The following ZFYVE9 variants were observed in gnomAD, a reference collection of about 807,000 sequenced individuals.
The protein encoded by ZFYVE9 is zinc finger FYVE domain-containing protein 9.
In ZFYVE9, 43 loss-of-function variants were observed where a neutral mutation model predicts 126.7. The observed-to-expected ratio is 0.34, with a 90% CI of 0.27 to 0.44. The LOEUF (loss-of-function observed/expected upper bound fraction) is 0.44, where lower values mean the gene tolerates loss of function less well. Among genes scored for constraint, ZFYVE9 ranks in the 20% least tolerant of loss-of-function variants. ZFYVE9 has a pLI of 1.00. For synonymous variants in ZFYVE9, 521 were observed against 597.4 expected (o/e 0.87, Z 1.87); for missense variants, 1,476 against 1,697.0 (o/e 0.87, Z 2.29).
chr1:52,154,131 C>T (rs1387858540), intron 1 of ZFYVE9, among the ~76,000 whole-genome samples: 1 of 152,184 alleles, frequency 6.6e-6, no homozygotes, highest in African/African-American at 2.4e-5. Flanking sequence ...GATTCCATGT[C>T]TGTTGATTAA....
At chr1:52,164,554 A>C (rs1644494851) in intron 1 of ZFYVE9, among the ~76,000 whole-genome samples, 1 of 152,018 alleles carries the variant, frequency 6.6e-6, no homozygotes, top group Non-Finnish European at 1.5e-5. Context: ...CTATCTATCT[A>C]TCTGTTTGCA....
chr1:52,247,688 G>A (rs1489096310), intron 4 of ZFYVE9, among the ~76,000 whole-genome samples: 2 of 152,012 alleles, frequency 1.3e-5, no homozygotes, highest in Non-Finnish European at 2.9e-5. Flanking sequence ...GTAGAGACGG[G>A]GTTTCGCCAT....
intron 8 of ZFYVE9, among the ~76,000 whole-genome samples, chr1:52,275,528 T>G (rs1423953943): frequency 1.3e-5 from 2 of 152,200 alleles, no homozygotes; most frequent in East Asian, 3.8e-4. Context: ...TGTCCCCTTT[T>G]CTCCACAGCC....
intron 5 of ZFYVE9, among the ~76,000 whole-genome samples, chr1:52,266,377 A>C (rs1389441083): frequency 1.4e-5 from 2 of 142,004 alleles, no homozygotes; most frequent in Non-Finnish European, 3.0e-5. Flanking sequence ...GATTAGAAGC[A>C]TGAGCCACCA....
chr1:52,324,512 T>C (rs1012019236), intron 13 of ZFYVE9, among the ~76,000 whole-genome samples: 3 of 152,252 alleles, frequency 2.0e-5, no homozygotes, highest in African/African-American at 7.2e-5. Flanking sequence ...TCCTCACTTA[T>C]GCTGTTTCCT....
intron 13 of ZFYVE9, among the ~76,000 whole-genome samples, chr1:52,306,437 T>C (rs1646085847): frequency 6.6e-6 from 1 of 152,150 alleles, no homozygotes; most frequent in South Asian, 2.1e-4. Context: ...CCCCAGGCCC[T>C]CCTCTATTAC....
intron 1 of ZFYVE9, among the ~76,000 whole-genome samples, chr1:52,178,814 A>C (rs80352223): frequency 1.6e-3 from 249 of 151,756 alleles, no homozygotes; most frequent in Non-Finnish European, 3.1e-3. Context: ...AGAGATAATT[A>C]CTTATTTATG....
chr1:52,239,779 T>C (rs1318565130), intron 4 of ZFYVE9, among the ~76,000 whole-genome samples, 184 bp downstream of exon 4: 1 of 152,236 alleles, frequency 6.6e-6, no homozygotes, highest in African/African-American at 2.4e-5. Context: ...AGATAGTATT[T>C]GTAATTTTTT....
At position 52,233,210 on chromosome 1, in the gene ZFYVE9, G is replaced by C; in HGVS notation, c.4G>C (p.Glu2Gln). Residue 2 changes from glutamate to glutamine, a missense_variant, in exon 3 of 19, where the codon GAG becomes CAG. Physicochemically the swap from Glu to Gln is conservative, Grantham distance 29. Around this residue, in one of 2 missense-constraint regions of ZFYVE9, gnomAD observed 807 missense variants for 794.6 expected, o/e 1.02. Transcript: ENST00000287727. ...CTTAAGTGGTGTTTCCTCACCGATG[G>C]AGAATTACTTCCAAGCAGAAGCTTA... M[E>Q]NYFQAEAYNL... 1 of 1,576,344 alleles carries C rather than the reference G, an allele frequency of 6.3e-7. No homozygotes were observed. Among genetic ancestry groups the C allele is most frequent in the South Asian group, 1.2e-5 (1 of 83,272 alleles).
At chr1:52,338,505 T>G (rs138507201) in intron 16 of ZFYVE9, among the ~76,000 whole-genome samples, 1 of 152,314 alleles carries the variant, frequency 6.6e-6, no homozygotes, top group Admixed American at 6.5e-5. Context: ...ACCCAGACAT[T>G]CAGGGACAAG....
At chr1:52,172,675 A>C (rs1390580681) in intron 1 of ZFYVE9, among the ~76,000 whole-genome samples, 38 of 149,894 alleles carry the variant, frequency 2.5e-4, no homozygotes, top group African/African-American at 3.7e-4. Flanking sequence ...CTTTTATTTC[A>C]TTGAGCAGTG....
intron 13 of ZFYVE9, among the ~76,000 whole-genome samples, chr1:52,323,756 A>C (rs1646263356): frequency 6.6e-6 from 1 of 152,154 alleles, no homozygotes; most frequent in African/African-American, 2.4e-5. Context: ...CTACCAAAAA[A>C]TAACAAAAAT....
chr1:52,170,424 A>T (rs565317003), intron 1 of ZFYVE9, among the ~76,000 whole-genome samples: 5 of 151,650 alleles, frequency 3.3e-5, no homozygotes, highest in Non-Finnish European at 7.4e-5. Flanking sequence ...TGTTTCATTG[A>T]TCTTTTGTAT....
intron 4 of ZFYVE9, among the ~76,000 whole-genome samples, chr1:52,260,599 C>T (rs983404844): frequency 1.3e-5 from 2 of 151,966 alleles, no homozygotes; most frequent in Admixed American, 6.6e-5. Flanking sequence ...GGCAGATCAC[C>T]TGAGGTCAGG....
At chr1:52,268,369 T>G in intron 6 of ZFYVE9, 94 bp from the exon 7 acceptor site, 1 of 1,338,710 alleles carries the variant, frequency 7.5e-7, no homozygotes, top group Non-Finnish European at 1.0e-6. Context: ...AATGATTTCT[T>G]TGTACATCTG....
At chr1:52,231,069 G>A (rs1190229787) in intron 2 of ZFYVE9, among the ~76,000 whole-genome samples, 11 of 152,148 alleles carry the variant, frequency 7.2e-5, no homozygotes, top group Admixed American at 2.6e-4. Flanking sequence ...TATTGTAGGT[G>A]TATATTGAAT....
At chr1:52,169,462 C>T (rs938292546) in intron 1 of ZFYVE9, among the ~76,000 whole-genome samples, 167 of 152,206 alleles carry the variant, frequency 1.1e-3, no homozygotes, top group African/African-American at 3.9e-3. Flanking sequence ...CATCTTAACA[C>T]GTCATCTAGC....
At chr1:52,216,600 G>A in intron 2 of ZFYVE9, 126 bp downstream of exon 2, 1 of 392,642 alleles carries the variant, frequency 2.5e-6, no homozygotes, top group Non-Finnish European at 4.5e-6. Context: ...TAAATCAGGA[G>A]TATGCTTTTT....
At chr1:52,211,270 T>C (rs1238213655) in intron 1 of ZFYVE9, among the ~76,000 whole-genome samples, 1 of 152,158 alleles carries the variant, frequency 6.6e-6, no homozygotes, top group African/African-American at 2.4e-5. Context: ...ATTTCACCAC[T>C]CAGTTGAAAT....
Sources: allele counts gnomAD v4.1 joint callset (sites outside exome capture counted in the v4.1 genomes callset), GRCh38; gene constraint gnomAD v4.1.1; regional missense constraint gnomAD v4.1.1; transcripts MANE v1.5; gene names NCBI Gene and HGNC (gene_info 2026-07-23, HGNC 2026-07-21).